The following NPIPB11 variants were observed in gnomAD, a reference collection of about 807,000 sequenced individuals.
The protein encoded by NPIPB11 is nuclear pore complex-interacting protein family member B11.
A neutral mutation model predicts 32.8 loss-of-function variants in NPIPB11; 17 were observed. That is an observed-to-expected ratio of 0.52 (90% confidence interval 0.35 to 0.78). The LOEUF is 0.78. Among genes scored for constraint, NPIPB11 ranks in the 30% least tolerant of loss-of-function variants. The pLI, the probability that NPIPB11 is intolerant of heterozygous loss-of-function variation, is 0.01. For missense variants in NPIPB11, 537 were observed against 1,000.4 expected (o/e 0.54, Z 6.25); for synonymous variants, 209 against 398.4 (o/e 0.52, Z 5.66).
At position 29,393,073 on chromosome 16, in the gene NPIPB11, C is replaced by T. The variant is rs150359190; in HGVS notation, c.249+875G>A. ...CCCAAAGGAAAAAAGGCTCAAAAGA[C>T]AAATTATGGTACAACTTAGCAGCCA... is the stretch of plus-strand genomic sequence containing the variant. On this transcript the variant is annotated intron_variant, in intron 3 of 7. Transcript: ENST00000524087. Among the ~76,000 whole-genome samples the T allele has an allele frequency of 1.1e-4, 17 of 150,556 alleles. No individual in the cohort carries two copies. In the East Asian group the frequency reaches 3.3e-3, roughly 29 times the overall value.
chr16:29,405,844 A>T (rs1358304013), upstream of NPIPB11, among the ~76,000 whole-genome samples: 1 of 152,222 alleles, frequency 6.6e-6, no homozygotes, highest in Non-Finnish European at 1.5e-5. Flanking sequence ...AGATATGACC[A>T]AAGTAACCAT....
At chr16:29,391,773 T>A (rs1280439118) in intron 3 of NPIPB11, among the ~76,000 whole-genome samples, 1 of 152,108 alleles carries the variant, frequency 6.6e-6, no homozygotes, top group African/African-American at 2.4e-5. Context: ...CATGCTGAAG[T>A]GCAGTGGCGC....
At chr16:29,397,106 G>A (rs1301245679) in intron 2 of NPIPB11, among the ~76,000 whole-genome samples, 1 of 149,828 alleles carries the variant, frequency 6.7e-6, no homozygotes, top group African/African-American at 2.4e-5. Flanking sequence ...CGGAAGCGGA[G>A]GTTGCAGTGA....
chr16:29,401,610 G>A (rs1203111695), intron 2 of NPIPB11, among the ~76,000 whole-genome samples: 1 of 152,070 alleles, frequency 6.6e-6, no homozygotes, highest in Non-Finnish European at 1.5e-5. Flanking sequence ...CAGCCTTAAT[G>A]GAGTCCACCG....
intron 2 of NPIPB11, among the ~76,000 whole-genome samples, chr16:29,399,820 T>C (rs1291869592): frequency 6.6e-6 from 1 of 152,002 alleles, no homozygotes; most frequent in African/African-American, 2.4e-5. Context: ...GGCTCACGCC[T>C]GTAATCCCAG....
chr16:29,393,469 C>T (rs1469095483), intron 3 of NPIPB11, among the ~76,000 whole-genome samples: 1 of 152,122 alleles, frequency 6.6e-6, no homozygotes, highest in African/African-American at 2.4e-5. Flanking sequence ...CATCAACCAC[C>T]CGGCAGTTCT....
intron 5 of NPIPB11, among the ~76,000 whole-genome samples, chr16:29,389,500 C>T (rs951950296): frequency 1.4e-5 from 2 of 147,814 alleles, no homozygotes; most frequent in Non-Finnish European, 3.0e-5. Flanking sequence ...ATGGTGAAAC[C>T]CCATCTCTAG....
upstream of NPIPB11, among the ~76,000 whole-genome samples, chr16:29,405,147 A>G (rs1964084830): frequency 1.3e-5 from 2 of 151,962 alleles, no homozygotes; most frequent in South Asian, 4.1e-4. Flanking sequence ...CTGTGTCTGA[A>G]ACATTAGTGC....
chr16:29,383,007 C>A (rs768890279), exon 8 of NPIPB11: 1 of 1,606,612 alleles, frequency 6.2e-7, no homozygotes, highest in African/African-American at 1.4e-5. Flanking sequence ...CGGAAGGTGT[C>A]TTGAGATTAT....
chr16:29,395,166 TTTTC>T (rs1352920050), intron 2 of NPIPB11, among the ~76,000 whole-genome samples: 3 of 101,766 alleles, frequency 2.9e-5, no homozygotes, highest in African/African-American at 1.2e-4. Context: ...AGTAATTATC[TTTTC>T]TTTTTGTTTG....
upstream of NPIPB11, among the ~76,000 whole-genome samples, chr16:29,404,569 C>T (rs1964069451): frequency 7.7e-6 from 1 of 130,536 alleles, no homozygotes; most frequent in Admixed American, 7.8e-5. Flanking sequence ...GGCCACAGTG[C>T]AACCAGGTGA....
At chr16:29,405,663 G>A (rs1401154632), upstream of NPIPB11, among the ~76,000 whole-genome samples, 1 of 152,078 alleles carries the variant, frequency 6.6e-6, no homozygotes, top group East Asian at 1.9e-4. Context: ...TCATTCTAAA[G>A]GCCATGTTAT....
exon 8 of NPIPB11, chr16:29,383,092 G>A (rs775778560): frequency 1.3e-6 from 2 of 1,598,024 alleles, no homozygotes; most frequent in African/African-American, 2.8e-5. Flanking sequence ...TGAGGGTGGA[G>A]CTGAGGGTGG....
At position 29,393,624 on chromosome 16, in the gene NPIPB11, C is replaced by T. The variant is rs1437075651; in HGVS notation, c.249+324G>A. 4.0e-5 allele frequency among the ~76,000 whole-genome samples: 6 copies of T among 150,218 alleles called. No homozygotes were observed. The Middle Eastern group carries it at 0.01, about 257-fold the overall frequency. Reference sequence around the variant, plus strand: ...CTTTCCTTCCACCCATACGATAGAACTATAAAGCAGAAGAGTTTAGAAAGA... The same window carrying T: ...CTTTCCTTCCACCCATACGATAGAATTATAAAGCAGAAGAGTTTAGAAAGA... On this transcript the variant is annotated intron_variant, in intron 3 of 7. Transcript: ENST00000524087.
chr16:29,390,588 G>T (rs1184858333), intron 3 of NPIPB11, among the ~76,000 whole-genome samples: 5 of 150,368 alleles, frequency 3.3e-5, no homozygotes, highest in Non-Finnish European at 5.9e-5. Flanking sequence ...GGAGGCGGAG[G>T]TTGCAGTGAG....
intron 3 of NPIPB11, among the ~76,000 whole-genome samples, chr16:29,391,069 C>A (rs1963711097): frequency 6.6e-6 from 1 of 150,498 alleles, no homozygotes; most frequent in African/African-American, 2.5e-5. Context: ...GAGATGGAGA[C>A]CATCCTGGGC....
intron 3 of NPIPB11, among the ~76,000 whole-genome samples, chr16:29,391,998 G>C (rs1488197513): frequency 1.3e-5 from 2 of 152,030 alleles, no homozygotes; most frequent in Admixed American, 1.3e-4. Context: ...TGGGATTACA[G>C]GCATGAGCCA....
At chr16:29,402,019 C>G (rs1298862359) in intron 2 of NPIPB11, among the ~76,000 whole-genome samples, 1 of 151,632 alleles carries the variant, frequency 6.6e-6, no homozygotes, top group African/African-American at 2.4e-5. Context: ...AGAACATGAA[C>G]TGGTGGTCAG....
At chr16:29,402,217 G>A (rs988519573) in intron 2 of NPIPB11, among the ~76,000 whole-genome samples, 76 of 128,904 alleles carry the variant, frequency 5.9e-4, no homozygotes, top group Non-Finnish European at 1.0e-3. Flanking sequence ...CACACAGTGA[G>A]TACTCAATGT....
Sources: allele counts gnomAD v4.1 joint callset (sites outside exome capture counted in the v4.1 genomes callset), GRCh38; gene constraint gnomAD v4.1.1; transcripts MANE v1.5; gene names NCBI Gene and HGNC (gene_info 2026-07-23, HGNC 2026-07-21).